Variants in GALNT14 observed in about 807,000 individuals in gnomAD.
The protein encoded by GALNT14 is polypeptide N-acetylgalactosaminyltransferase 14.
GALNT14 carries 60 observed loss-of-function variants against 77.5 expected under a neutral mutation model. That is an observed-to-expected ratio of 0.77 (90% confidence interval 0.63 to 0.96). The LOEUF is 0.96. GALNT14 is among the 40% of genes least tolerant of loss of function. The pLI, the probability that GALNT14 is intolerant of heterozygous loss-of-function variation, is 0.00. For synonymous variants in GALNT14, 280 were observed against 281.7 expected (o/e 0.99, Z 0.06); for missense variants, 710 against 731.0 (o/e 0.97, Z 0.33).
intron 1 of GALNT14, among the ~76,000 whole-genome samples, chr2:30,996,746 G>C (rs1187487922): frequency 6.6e-6 from 1 of 152,214 alleles, no homozygotes; most frequent in African/African-American, 2.4e-5. Context: ...CAGAGCAGCA[G>C]CCAGGCTGGC....
At chr2:31,004,509 T>C (rs891076668) in intron 1 of GALNT14, among the ~76,000 whole-genome samples, 3 of 152,136 alleles carry the variant, frequency 2.0e-5, no homozygotes, top group Admixed American at 1.3e-4. Context: ...GTGTGCACAG[T>C]TGAGCCATCT....
intron 1 of GALNT14, among the ~76,000 whole-genome samples, chr2:31,048,811 C>T (rs1178416632): frequency 6.6e-6 from 1 of 152,114 alleles, no homozygotes; most frequent in Non-Finnish European, 1.5e-5. Flanking sequence ...AACTCCCTAT[C>T]CCAAACCCCA....
At chr2:31,078,109 G>T (rs898584845) in intron 1 of GALNT14, among the ~76,000 whole-genome samples, 1 of 152,222 alleles carries the variant, frequency 6.6e-6, no homozygotes, top group Non-Finnish European at 1.5e-5. Context: ...ATCTTGAGAA[G>T]AGACTGGCTC....
intron 1 of GALNT14, among the ~76,000 whole-genome samples, chr2:31,074,988 T>C (rs1675666829): frequency 6.6e-6 from 1 of 152,166 alleles, no homozygotes; most frequent in Non-Finnish European, 1.5e-5. Flanking sequence ...CATGTTGAAA[T>C]GTAATCCCCA....
At chr2:31,025,649 G>T (rs554226247) in intron 1 of GALNT14, among the ~76,000 whole-genome samples, 2 of 152,182 alleles carry the variant, frequency 1.3e-5, no homozygotes, top group Non-Finnish European at 2.9e-5. Flanking sequence ...AAGGTTGAAA[G>T]CATCTGTAAC....
chr2:30,989,435 T>TAA (rs1669518192), intron 2 of GALNT14, among the ~76,000 whole-genome samples: 1 of 151,470 alleles, frequency 6.6e-6, no homozygotes, highest in African/African-American at 2.4e-5. Flanking sequence ...CCTGATCATC[T>TAA]TGAGTTTTCT....
chr2:30,913,676 C>G (rs1441344254), intron 13 of GALNT14, among the ~76,000 whole-genome samples: 1 of 152,174 alleles, frequency 6.6e-6, no homozygotes, highest in Non-Finnish European at 1.5e-5. Context: ...TGATCTGGGA[C>G]TCACCGGCCT....
At chr2:30,989,945 T>G (rs542239116) in intron 2 of GALNT14, among the ~76,000 whole-genome samples, 37 of 152,064 alleles carry the variant, frequency 2.4e-4, no homozygotes, top group African/African-American at 8.2e-4. Context: ...ACTCTGCTTT[T>G]AAAAAGAAGG....
At chr2:30,973,922 C>T (rs1323770063) in intron 2 of GALNT14, among the ~76,000 whole-genome samples, 2 of 152,156 alleles carry the variant, frequency 1.3e-5, no homozygotes, top group African/African-American at 2.4e-5. Flanking sequence ...ATTATTAATT[C>T]CAGTGGTCTA....
intron 1 of GALNT14, among the ~76,000 whole-genome samples, chr2:31,052,712 T>A (rs889978012): frequency 6.6e-6 from 1 of 152,148 alleles, no homozygotes; most frequent in Non-Finnish European, 1.5e-5. Flanking sequence ...GCTTTAGAAA[T>A]CCAGGGCCTC....
intron 7 of GALNT14, among the ~76,000 whole-genome samples, chr2:30,945,348 G>C (rs1326383537): frequency 6.6e-6 from 1 of 152,214 alleles, no homozygotes; most frequent in Admixed American, 6.5e-5. Flanking sequence ...CATTCTTGAA[G>C]TGGGGGCAAC....
intron 1 of GALNT14, among the ~76,000 whole-genome samples, chr2:31,071,366 G>A (rs139882314): frequency 6.6e-6 from 1 of 152,322 alleles, no homozygotes; most frequent in African/African-American, 2.4e-5. Flanking sequence ...ACAAAGTCCG[G>A]AGGACATCAG....
At chr2:31,117,794 T>C (rs951960302) in intron 1 of GALNT14, among the ~76,000 whole-genome samples, 1 of 152,198 alleles carries the variant, frequency 6.6e-6, no homozygotes, top group Non-Finnish European at 1.5e-5. Context: ...AAGTTCCTGC[T>C]TACACAGTAG....
chr2:31,024,197 C>T (rs1671905169), intron 1 of GALNT14, among the ~76,000 whole-genome samples: 2 of 152,184 alleles, frequency 1.3e-5, no homozygotes, highest in South Asian at 2.1e-4. Flanking sequence ...AGCACCTGCA[C>T]CACTGTCACC....
At chr2:31,097,049 G>T (rs1223292775) in intron 1 of GALNT14, among the ~76,000 whole-genome samples, 1 of 152,128 alleles carries the variant, frequency 6.6e-6, no homozygotes, top group Non-Finnish European at 1.5e-5. Flanking sequence ...ACAGTCATGA[G>T]CCTCTAGCTG....
rs1678260433 is a variant in GALNT14, at chr2:31,119,153, G to C, written c.129+18805C>G. ...TTGGGATATTCTATGTACAATCTAG[G>C]ACTTACGATGATCTTTTTAATCAAG... On this transcript the variant is annotated intron_variant, in intron 1 of 14. Transcript: ENST00000349752. 7.9e-5 allele frequency among the ~76,000 whole-genome samples: 12 copies of C among 151,986 alleles called. No individual in the cohort carries two copies. In the South Asian group the frequency reaches 2.5e-3, roughly 31 times the overall value.
intron 13 of GALNT14, among the ~76,000 whole-genome samples, chr2:30,917,980 G>C (rs1364906769): frequency 6.6e-6 from 1 of 152,222 alleles, no homozygotes; most frequent in Non-Finnish European, 1.5e-5. Flanking sequence ...TGAAGCATCA[G>C]CTGCAGTGAT....
chr2:30,975,236 T>C (rs1344524727), intron 2 of GALNT14, among the ~76,000 whole-genome samples: 1 of 152,214 alleles, frequency 6.6e-6, no homozygotes, highest in African/African-American at 2.4e-5. Flanking sequence ...TTTAAAAGGC[T>C]GGGATGTTCT....
chr2:30,912,263 G>A lies in GALNT14; in HGVS notation c.1460C>T (p.Pro487Leu). ...LSVITLFPGA[P>L]VVLVLCKNGD... is the part of the protein sequence containing the mutation. ...ATTCTTGCAAAGGACAAGAACCACT[G>A]GGGCGCCAGGGAACAAGGTGATGAC... Residue 487 changes from proline to leucine, a missense_variant, in exon 14 of 15, where the codon CCA (proline) becomes CTA (leucine). Pro to Leu is a moderately conservative substitution (Grantham distance 98, BLOSUM62 -3). Coordinates refer to ENST00000349752, the MANE Select transcript of GALNT14 (RefSeq NM_024572.4). 6.2e-7 allele frequency: 1 copy of A among 1,614,140 alleles called. No individual in the cohort carries two copies. The highest frequency in any genetic ancestry group is 8.5e-7 in the Non-Finnish European group (1 of 1,180,014).
Sources: gnomAD v4.1 joint callset for allele counts (sites outside exome capture counted in the v4.1 genomes callset) on GRCh38, gnomAD v4.1.1 for gene constraint, MANE v1.5 for transcripts, NCBI Gene and HGNC (gene_info 2026-07-23, HGNC 2026-07-21) for gene names.